ERBB3: variants seen among roughly 807,000 people sequenced by gnomAD.
The protein encoded by ERBB3 is receptor tyrosine-protein kinase erbB-3.
Under a neutral mutation model 156.7 loss-of-function variants are expected in ERBB3, and 96 were observed. The observed-to-expected ratio is 0.61, with a 90% CI of 0.52 to 0.73. The LOEUF (loss-of-function observed/expected upper bound fraction) is 0.73. Ranked by LOEUF, ERBB3 falls within the 30% of genes least tolerant of loss-of-function variation. The pLI, the probability that ERBB3 is intolerant of heterozygous loss-of-function variation, is 0.00. For synonymous variants in ERBB3, 567 were observed against 632.0 expected (o/e 0.90, Z 1.54); for missense variants, 1,406 against 1,709.4 (o/e 0.82, Z 3.13).
At chr12:56,090,148 T>C (rs1362540312) in intron 9 of ERBB3, among the ~76,000 whole-genome samples, 1 of 151,888 alleles carries the variant, frequency 6.6e-6, no homozygotes, top group South Asian at 2.1e-4. Flanking sequence ...TATAGGTGTG[T>C]GCCATCATGC....
At chr12:56,080,435 T>A in intron 1 of ERBB3, 53 bp downstream of exon 1, 1 of 1,416,020 alleles carries the variant, frequency 7.1e-7, no homozygotes, top group Non-Finnish European at 9.8e-7. Flanking sequence ...CGGAACCCAG[T>A]GCGCGCAGCC....
chr12:56,085,628 G>T (rs900919545), intron 3 of ERBB3: 4 of 238,626 alleles, frequency 1.7e-5, no homozygotes, highest in Non-Finnish European at 3.2e-5. Context: ...GCTGGCTATA[G>T]TGGTGCGCAC....
chr12:56,098,035 A>G, intron 21 of ERBB3, 95 bp downstream of exon 21: 10 of 1,270,716 alleles, frequency 7.9e-6, no homozygotes, highest in South Asian at 5.0e-5. Context: ...CAGATGCTTC[A>G]TGGTAAGTTC....
rs750531252 is a variant in ERBB3, at chr12:56,088,808, G to C, written c.1049G>C (p.Gly350Ala). ...FQTVDSSNIDGFVNCTKILGN... is the reference protein window; with the variant it reads ...FQTVDSSNIDAFVNCTKILGN... ...ACTGTGGACTCGAGCAACATTGATG[G>C]ATTTGTGAACTGCACCAAGATCCTG... is the stretch of plus-strand genomic sequence containing the variant. The change falls in exon 9 of 28, where the codon GGA (glycine) becomes GCA (alanine). Residue 350 changes from glycine (G) to alanine (A), a missense_variant. Transcript: ENST00000267101. The C allele has an allele frequency of 6.2e-7, 1 of 1,614,148 alleles. No homozygotes were observed. Among genetic ancestry groups the C allele is most frequent in the South Asian group, 1.1e-5 (1 of 91,072 alleles).
chr12:56,095,538 T>C (rs2136815084), intron 16 of ERBB3, 127 bp from the exon 17 acceptor site: 1 of 1,199,154 alleles, frequency 8.3e-7, no homozygotes, highest in South Asian at 1.3e-5. Context: ...CTTCAGTGCT[T>C]AAGGATATAT....
rs775048781 is a variant in ERBB3, at chr12:56,099,878, A to G, written c.2978A>G (p.His993Arg). 4.3e-6 allele frequency: 7 copies of G among 1,614,206 alleles called. No individual in the cohort carries two copies. In the South Asian group the frequency reaches 6.6e-5, roughly 15 times the overall value. The change falls in exon 25 of 28, where the codon CAT becomes CGT. Residue 993 changes from histidine to arginine, a missense_variant. His to Arg is a conservative substitution (Grantham distance 29, BLOSUM62 0). Around this residue, in one of 3 missense-constraint regions of ERBB3, gnomAD observed 415 missense variants for 454.1 expected, o/e 0.91. Transcript: ENST00000267101. ...GGAATAGCCCCTGGGCCAGAGCCCC[A>G]TGGTCTGACAAACAAGAAGCTAGAG... ...GPGIAPGPEP[H>R]GLTNKKLEEV...
chr12:56,098,396 A>G (rs2136821444), intron 21 of ERBB3, 104 bp from the exon 22 acceptor site: 1 of 881,192 alleles, frequency 1.1e-6, no homozygotes, highest in Non-Finnish European at 1.9e-6. Flanking sequence ...TGGGCGACAG[A>G]GCGAGACTCC....
In ERBB3 at chr12:56,096,963, G is replaced by C. The variant is rs186183394; in HGVS notation, c.2275-82G>C. 5.8e-5 allele frequency: 83 copies of C among 1,441,134 alleles called. No homozygotes were observed. The East Asian group carries it at 9.3e-4, about 16-fold the overall frequency. The allele number at this position is 1,441,134 out of a possible 1,614,324, so 89.3% of individuals were successfully genotyped here. A position where few individuals can be genotyped will look rare whatever the true frequency, so the allele number is the denominator to read the frequency against. ...CTATGTTAGCCAGAATGTTGGGGGT[G>C]GGGGGGCCTGGGCTGGCTGTGCACA... is the stretch of plus-strand genomic sequence containing the variant. On this transcript the variant is annotated intron_variant, in intron 19 of 27. Coordinates refer to ENST00000267101, the MANE Select transcript of ERBB3 (RefSeq NM_001982.4).
At chr12:56,087,501 G>T in intron 4 of ERBB3, 76 bp from the exon 5 acceptor site, 2 of 1,236,980 alleles carry the variant, frequency 1.6e-6, no homozygotes, top group South Asian at 2.4e-5. Context: ...CCTGTGTACT[G>T]ACATCATACC....
intron 26 of ERBB3, 64 bp from the exon 27 acceptor site, chr12:56,100,997 A>C: frequency 3.6e-6 from 4 of 1,105,672 alleles, no homozygotes; most frequent in Non-Finnish European, 4.0e-6. Flanking sequence ...TTCTAAACAA[A>C]TCTCTCTTCT....
chr12:56,086,651 G>A lies in ERBB3; in HGVS notation c.542G>A (p.Arg181Lys), dbSNP rs371016430. The A allele has an allele frequency of 5.6e-6, 9 of 1,614,050 alleles. No homozygotes were observed. The highest frequency in any genetic ancestry group is 7.6e-6 in the Non-Finnish European group (9 of 1,179,942). ...DAEIVVKDNG[R>K]SCPPCHEVCK... is the part of the protein sequence containing the mutation. ...GAGATAGTGGTGAAGGACAATGGCA[G>A]AAGCTGTAAGTGGCCGTGATCAAGA... The change falls in exon 4 of 28, where the codon AGA becomes AAA. Residue 181 changes from arginine (R) to lysine (K), a missense_variant. Arg to Lys is a conservative substitution (Grantham distance 26). Coordinates refer to ENST00000267101, the MANE Select transcript of ERBB3 (RefSeq NM_001982.4).
chr12:56,100,990 T>TAAACA (rs1869073132), intron 26 of ERBB3, 71 bp from the exon 27 acceptor site: 1 of 989,492 alleles, frequency 1.0e-6, no homozygotes, highest in Admixed American at 2.1e-5. Context: ...AATATCCTTC[T>TAAACA]AAACAAATCT....
At position 56,092,088 on chromosome 12, in the gene ERBB3, T is replaced by TAA. The variant is rs778531663; in HGVS notation, c.1110-641_1110-640dup. Reference sequence around the variant, plus strand: ...CACAACAGAGTGAGACCCTGTCTCTTAAAAAAAAAAAAAAAAAAAGGCCAG... The same window carrying TAA: ...CACAACAGAGTGAGACCCTGTCTCTTAAAAAAAAAAAAAAAAAAAAAGGCCAG... On this transcript the variant is annotated intron_variant, in intron 9 of 27. Transcript: ENST00000267101. Among the ~76,000 whole-genome samples, 61 of 111,830 alleles carry TAA rather than the reference T, an allele frequency of 5.5e-4. 1 individual carries two copies. The highest frequency in any genetic ancestry group is 1.9e-3 in the East Asian group (7 of 3,678). 73.4% of individuals were successfully genotyped at this position (111,830 alleles called of 152,430 possible).
Position 56,095,320 on chromosome 12 carries a change from G to C in ERBB3, c.1913+10G>C. 1 of 1,611,502 alleles carries C rather than the reference G, an allele frequency of 6.2e-7. No homozygotes were observed. Among genetic ancestry groups the C allele is most frequent in the Non-Finnish European group, 8.5e-7 (1 of 1,177,642 alleles). On this transcript the variant is annotated intron_variant, in intron 16 of 27. Coordinates refer to ENST00000267101, the MANE Select transcript of ERBB3 (RefSeq NM_001982.4). ...CACTGGTGCTGATCGGGTATGATGG[G>C]GTTGGAGATTCTGGAAACTGGGGAT...
At chr12:56,087,512 C>G in intron 4 of ERBB3, 65 bp from the exon 5 acceptor site, 1 of 1,326,530 alleles carries the variant, frequency 7.5e-7, no homozygotes, top group Non-Finnish European at 1.1e-6. Context: ...ACATCATACC[C>G]CGTTGATTAA....
intron 17 of ERBB3, 173 bp from the exon 18 acceptor site, chr12:56,096,330 T>C: frequency 1.3e-6 from 1 of 748,238 alleles, no homozygotes. Flanking sequence ...AATAACTTCC[T>C]CAGTTCTCAG....
At position 56,101,219 on chromosome 12, in the gene ERBB3, G is replaced by A. The variant is rs2136828943; in HGVS notation, c.3360G>A (p.Arg1120=). The change falls in exon 27 of 28, where the codon AGG becomes AGA. Residue 1120 remains arginine (R), a synonymous_variant. Coordinates refer to ENST00000267101, the MANE Select transcript of ERBB3 (RefSeq NM_001982.4). ...EKVSMCRSRS[R]SRSPRPRGDS... Reference sequence around the variant, plus strand: ...TGTCAATGTGTAGGAGCCGGAGCAGGAGCCGGAGCCCACGGCCACGCGGAG... The same window carrying A: ...TGTCAATGTGTAGGAGCCGGAGCAGAAGCCGGAGCCCACGGCCACGCGGAG... 6.2e-7 allele frequency: 1 copy of A among 1,613,878 alleles called. No individual in the cohort carries two copies. Among genetic ancestry groups the A allele is most frequent in the South Asian group, 1.1e-5 (1 of 91,082 alleles).
At position 56,096,367 on chromosome 12, in the gene ERBB3, C is replaced by A. The variant is rs545574670; in HGVS notation, c.2056-136C>A. On this transcript the variant is annotated intron_variant, in intron 17 of 27. Transcript: ENST00000267101. ...GTCTGTACCTCAATATGCCTATAAT[C>A]CATTCCAGGACTAACGGTGCTTCCT... The A allele has an allele frequency of 5.8e-6, 6 of 1,039,962 alleles. No individual in the cohort carries two copies. The South Asian group carries it at 6.5e-5, about 11-fold the overall frequency. 64.4% of individuals were successfully genotyped at this position (1,039,962 alleles called of 1,614,324 possible).
intron 16 of ERBB3, 96 bp from the exon 17 acceptor site, chr12:56,095,569 C>A: frequency 7.0e-7 from 1 of 1,433,492 alleles, no homozygotes; most frequent in Non-Finnish European, 9.8e-7. Context: ...TAATTTCTTG[C>A]CCCAGGTCAG....
Sources: gnomAD v4.1 joint callset for allele counts (sites outside exome capture counted in the v4.1 genomes callset) on GRCh38, gnomAD v4.1.1 for gene constraint, gnomAD v4.1.1 regional missense constraint, MANE v1.5 for transcripts, NCBI Gene and HGNC (gene_info 2026-07-23, HGNC 2026-07-21) for gene names.